The following CNTLN variants were observed in gnomAD, a reference collection of about 807,000 sequenced individuals.
The protein encoded by CNTLN is centlein, centrosomal protein.
CNTLN carries 212 observed loss-of-function variants against 180.0 expected under a neutral mutation model. The ratio of observed to expected loss-of-function variants is 1.18; its 90% CI spans 1.05 to 1.32. The LOEUF (loss-of-function observed/expected upper bound fraction) is 1.32. Among genes scored for constraint, CNTLN ranks in the 40% most tolerant of loss-of-function variants. The pLI is 0.00. For synonymous variants in CNTLN, 722 were observed against 563.1 expected (o/e 1.28, Z -3.99); for missense variants, 2,095 against 1,610.9 (o/e 1.30, Z -5.14).
intron 6 of CNTLN, among the ~76,000 whole-genome samples, chr9:17,285,153 C>T (rs982792589): frequency 9.1e-6 from 1 of 110,368 alleles, no homozygotes; most frequent in Admixed American, 1.1e-4. Flanking sequence ...ATCCCTCCCC[C>T]CTCCCCCCAC....
At chr9:17,268,413 G>C (rs1229083811) in intron 5 of CNTLN, among the ~76,000 whole-genome samples, 2 of 152,172 alleles carry the variant, frequency 1.3e-5, no homozygotes, top group Non-Finnish European at 2.9e-5. Context: ...TCTCAGAGGA[G>C]TACCTGGCCA....
intron 2 of CNTLN, among the ~76,000 whole-genome samples, chr9:17,201,200 T>G (rs1190111447): frequency 6.6e-6 from 1 of 152,210 alleles, no homozygotes; most frequent in Admixed American, 6.5e-5. Flanking sequence ...TCGTGGTGGA[T>G]AAGCTTTTTT....
chr9:17,328,097 T>C (rs895911368), intron 8 of CNTLN, among the ~76,000 whole-genome samples: 1 of 152,188 alleles, frequency 6.6e-6, no homozygotes, highest in Admixed American at 6.5e-5. Flanking sequence ...TTTTGTACCT[T>C]ATGCATGTTT....
chr9:17,142,085 A>G (rs1324565820), intron 1 of CNTLN, among the ~76,000 whole-genome samples: 1 of 146,186 alleles, frequency 6.8e-6, no homozygotes, highest in Admixed American at 6.8e-5. Flanking sequence ...CTGTCTCAGA[A>G]AAAAAAAAAA....
At chr9:17,153,211 T>C (rs1252849509) in intron 2 of CNTLN, among the ~76,000 whole-genome samples, 1 of 152,186 alleles carries the variant, frequency 6.6e-6, no homozygotes, top group East Asian at 1.9e-4. Flanking sequence ...TGTTAGCTGG[T>C]TGTTTTGCCC....
intron 14 of CNTLN, among the ~76,000 whole-genome samples, chr9:17,389,623 A>C (rs1825944332): frequency 6.6e-6 from 1 of 152,134 alleles, no homozygotes; most frequent in Non-Finnish European, 1.5e-5. Flanking sequence ...GCACAAGTTA[A>C]TTCCTCATGT....
intron 2 of CNTLN, among the ~76,000 whole-genome samples, chr9:17,177,686 G>A (rs1257300856): frequency 1.3e-5 from 2 of 151,974 alleles, no homozygotes; most frequent in African/African-American, 2.4e-5. Context: ...GGAGTTGTTC[G>A]TTCCTCCCAG....
chr9:17,459,509 A>G (rs1314841291), intron 19 of CNTLN, among the ~76,000 whole-genome samples: 1 of 151,882 alleles, frequency 6.6e-6, no homozygotes, highest in Non-Finnish European at 1.5e-5. Context: ...TTCCTAGAAG[A>G]CCAAGTACCT....
chr9:17,419,676 A>C (rs75642033), intron 18 of CNTLN, among the ~76,000 whole-genome samples: 1 of 152,158 alleles, frequency 6.6e-6, no homozygotes, highest in East Asian at 1.9e-4. Context: ...AGCATATATA[A>C]GAAATAACCT....
chr9:17,190,499 C>T (rs1234185830), intron 2 of CNTLN, among the ~76,000 whole-genome samples: 1 of 151,844 alleles, frequency 6.6e-6, no homozygotes, highest in Non-Finnish European at 1.5e-5. Context: ...TAAAATTTTT[C>T]ATTTAAATTA....
chr9:17,260,737 G>A (rs1157657636), intron 5 of CNTLN, among the ~76,000 whole-genome samples: 1 of 151,298 alleles, frequency 6.6e-6, no homozygotes, highest in East Asian at 1.9e-4. Context: ...TGCTTTTGAT[G>A]TCTTCATCAT....
chr9:17,187,225 A>G (rs918289098), intron 2 of CNTLN, among the ~76,000 whole-genome samples: 6 of 152,114 alleles, frequency 3.9e-5, no homozygotes, highest in South Asian at 2.1e-4. Context: ...TGCAAAGACA[A>G]ATATCTGCTT....
At chr9:17,142,038 C>T (rs552883996) in intron 1 of CNTLN, among the ~76,000 whole-genome samples, 3 of 148,022 alleles carry the variant, frequency 2.0e-5, no homozygotes, top group South Asian at 4.3e-4. Flanking sequence ...GCCGAGATTG[C>T]GCCACTGCAC....
chr9:17,511,601 A>G, the CNTLN span, among the ~76,000 whole-genome samples: 1 of 151,538 alleles, frequency 6.6e-6, no homozygotes, highest in Non-Finnish European at 1.5e-5. Flanking sequence ...CCTTTGCCAC[A>G]CGAGTCTCTT....
intron 12 of CNTLN, among the ~76,000 whole-genome samples, chr9:17,346,035 A>G (rs1002402617): frequency 6.6e-6 from 1 of 152,228 alleles, no homozygotes; most frequent in African/African-American, 2.4e-5. Context: ...CAGTATAAAG[A>G]AATACACAAA....
chr9:17,307,482 C>G (rs1010224885), intron 7 of CNTLN, among the ~76,000 whole-genome samples: 1 of 152,074 alleles, frequency 6.6e-6, no homozygotes, highest in African/African-American at 2.4e-5. Flanking sequence ...ATTGCCCAGG[C>G]TGGTCTCGAA....
At chr9:17,498,100 C>G (rs1432791883) in intron 25 of CNTLN, among the ~76,000 whole-genome samples, 1 of 152,054 alleles carries the variant, frequency 6.6e-6, no homozygotes, top group African/African-American at 2.4e-5. Flanking sequence ...AGTCTTCAAA[C>G]AGAAAACAAG....
At chr9:17,400,361 A>G (rs764289970) in intron 15 of CNTLN, among the ~76,000 whole-genome samples, 39 of 152,020 alleles carry the variant, frequency 2.6e-4, no homozygotes, top group Non-Finnish European at 5.0e-4. Context: ...CTGGTCTGGA[A>G]CTCCTGACCT....
chr9:17,500,655 G>T (rs1041824567), intron 25 of CNTLN, among the ~76,000 whole-genome samples: 1 of 152,096 alleles, frequency 6.6e-6, no homozygotes, highest in Admixed American at 6.5e-5. Context: ...GTAGAAGTTT[G>T]GTTTGTTTCC....
Sources: gnomAD v4.1 joint callset for allele counts (sites outside exome capture counted in the v4.1 genomes callset) on GRCh38, gnomAD v4.1.1 for gene constraint, MANE v1.5 for transcripts, NCBI Gene and HGNC (gene_info 2026-07-23, HGNC 2026-07-21) for gene names.